The following SEPTIN9 variants were observed in gnomAD, a reference collection of about 807,000 sequenced individuals.
The protein encoded by SEPTIN9 is septin-9.
A neutral mutation model predicts 56.6 loss-of-function variants in SEPTIN9; 13 were observed. The observed-to-expected ratio is 0.23, with a 90% CI of 0.15 to 0.37. The LOEUF is 0.37. SEPTIN9 is among the 10% of genes least tolerant of loss of function. The pLI is 1.00. For synonymous variants in SEPTIN9, 332 were observed against 334.1 expected, an observed-to-expected ratio of 0.99 and a Z score of 0.07; for missense variants, 650 against 823.1, an observed-to-expected ratio of 0.79 and a Z score of 2.57.
intron 2 of SEPTIN9, among the ~76,000 whole-genome samples, chr17:77,398,015 C>T (rs1463015998): frequency 6.9e-6 from 1 of 145,210 alleles, no homozygotes; most frequent in Non-Finnish European, 1.5e-5. Flanking sequence ...ACTCTGTCAT[C>T]CAGGCTGGAG....
intron 3 of SEPTIN9, among the ~76,000 whole-genome samples, chr17:77,410,769 C>T (rs559052875): frequency 6.6e-6 from 1 of 152,300 alleles, no homozygotes; most frequent in African/African-American, 2.4e-5. Context: ...GCAAGCAGGC[C>T]TTGTCTGAAG....
At chr17:77,292,741 G>A (rs1165775525) in intron 1 of SEPTIN9, among the ~76,000 whole-genome samples, 8 of 152,018 alleles carry the variant, frequency 5.3e-5, no homozygotes, top group Admixed American at 6.6e-5. Flanking sequence ...TGATAGGCTC[G>A]CGTCGGCCTC....
chr17:77,347,720 G>C (rs1465730029), intron 2 of SEPTIN9, among the ~76,000 whole-genome samples: 1 of 151,902 alleles, frequency 6.6e-6, no homozygotes, highest in African/African-American at 2.4e-5. Context: ...GTGCGAACGT[G>C]GTATGTATAC....
intron 3 of SEPTIN9, among the ~76,000 whole-genome samples, chr17:77,465,911 G>A (rs776219018): frequency 6.6e-6 from 1 of 152,046 alleles, no homozygotes. Flanking sequence ...ATTTTTCTGA[G>A]AGGATTCTTC....
intron 2 of SEPTIN9, among the ~76,000 whole-genome samples, chr17:77,379,032 G>A (rs2035042837): frequency 6.6e-6 from 1 of 152,150 alleles, no homozygotes; most frequent in Non-Finnish European, 1.5e-5. Context: ...GCATCCCAGG[G>A]AGTGGTGCCT....
chr17:77,438,276 A>T (rs1226901149), intron 3 of SEPTIN9, among the ~76,000 whole-genome samples: 1 of 152,172 alleles, frequency 6.6e-6, no homozygotes, highest in Non-Finnish European at 1.5e-5. Context: ...TTTACAGATA[A>T]TGTGCTCCCC....
intron 2 of SEPTIN9, among the ~76,000 whole-genome samples, chr17:77,358,514 AAGG>A (rs2034323147): frequency 6.6e-6 from 1 of 152,010 alleles, no homozygotes; most frequent in African/African-American, 2.4e-5. Flanking sequence ...CCAGCTACTC[AAGG>A]AGAACCCAGC....
chr17:77,372,176 C>T (rs1401611941), intron 2 of SEPTIN9, among the ~76,000 whole-genome samples: 1 of 152,190 alleles, frequency 6.6e-6, no homozygotes, highest in Non-Finnish European at 1.5e-5. Flanking sequence ...TGGCCCCTGA[C>T]TCTGGGCAGA....
At chr17:77,467,700 C>A (rs1288087961) in intron 3 of SEPTIN9, among the ~76,000 whole-genome samples, 1 of 152,228 alleles carries the variant, frequency 6.6e-6, no homozygotes, top group African/African-American at 2.4e-5. Context: ...CGGCCACACA[C>A]CGAAGCCGCG....
chr17:77,498,583 G>A lies in SEPTIN9; in HGVS notation c.1686G>A (p.Val562=), dbSNP rs1193740047. The change falls in exon 12 of 12, where the codon GTG becomes GTA. Residue 562 remains valine, a synonymous_variant. Transcript: ENST00000427177. ...GCATCCACTTCGAGGCGTACCGTGT[G>A]AAGCGCCTCAACGAGGGCAGCAGCG... ...TSSIHFEAYR[V]KRLNEGSSAM... The A allele has an allele frequency of 6.2e-7, 1 of 1,606,346 alleles. No homozygotes were observed. Among genetic ancestry groups the A allele is most frequent in the Admixed American group, 1.7e-5 (1 of 59,046 alleles).
rs1363581090 is a variant in SEPTIN9 at position 77,433,264 on chromosome 17, C to G, written c.721+30561C>G. On this transcript the variant is annotated intron_variant, in intron 3 of 11. Transcript: ENST00000427177. This position sits in a 1 kb window ranked among gnomAD's most constrained non-coding sequence, Gnocchi z 6.4. ...CCACGTTGCAGGGAAGGAGAGCCTC[C>G]CTTCCTGTGAGCCTAGGGAGCCCCT... 6.6e-6 allele frequency among the ~76,000 whole-genome samples: 1 copy of G among 152,150 alleles called. No homozygotes were observed. Among genetic ancestry groups the G allele is most frequent in the Admixed American group, 6.5e-5 (1 of 15,284 alleles).
At position 77,445,404 on chromosome 17, in the gene SEPTIN9, GA is replaced by G; in HGVS notation, c.722-36736del. The G allele has an allele frequency of 4.3e-6, 2 of 468,656 alleles. No homozygotes were observed. 29.0% of individuals were successfully genotyped at this position (468,656 alleles called of 1,614,324 possible). ...TTGGGGTGTTGCCCAGGATGGATTGGAAAAGAGTTGGCAGGAAGGCTGAGCT... is the reference window on the plus strand; with the variant it reads ...TTGGGGTGTTGCCCAGGATGGATTGGAAAGAGTTGGCAGGAAGGCTGAGCT... On this transcript the variant is annotated intron_variant, in intron 3 of 11. Transcript: ENST00000427177. This position sits in a 1 kb window ranked among gnomAD's most constrained non-coding sequence, Gnocchi z 4.7.
At chr17:77,340,124 T>G (rs991673792) in intron 2 of SEPTIN9, among the ~76,000 whole-genome samples, 4 of 150,222 alleles carry the variant, frequency 2.7e-5, no homozygotes, top group African/African-American at 9.8e-5. Flanking sequence ...CCACCGTGCT[T>G]GGCCCTTTTT....
Position 77,425,112 on chromosome 17 carries a change from G to A in SEPTIN9, c.721+22409G>A, listed in dbSNP as rs933147719. ...GCTCTGCTCCAGTCCCCCCACCCCC[G>A]GGGCTGTTCCTGGCGCCCTGCCCTC... On this transcript the variant is annotated intron_variant, in intron 3 of 11. Transcript: ENST00000427177. The surrounding 1 kb of genome is among the most constrained non-coding windows in gnomAD (Gnocchi z 4.2). Among the ~76,000 whole-genome samples, 1 of 152,160 alleles carries A rather than the reference G, an allele frequency of 6.6e-6. No individual in the cohort carries two copies. The highest frequency in any genetic ancestry group is 2.4e-5 in the African/African-American group (1 of 41,436).
In SEPTIN9 at chr17:77,283,176, TTTA is replaced by T. The variant is rs1288775861; in HGVS notation, c.19+1623_19+1625del. 4.2e-3 allele frequency among the ~76,000 whole-genome samples: 634 copies of T among 149,642 alleles called. 6 individuals carry two copies. The highest frequency in any genetic ancestry group is 0.015 in the African/African-American group (610 of 40,084). On this transcript the variant is annotated intron_variant, in intron 1 of 11. Transcript: ENST00000427177. ...ACTGGGTTTCTTTTTTTTTTTTTTT[TTTA>T]AAAAAAAGGACAGAACCTTTTGCAG...
rs551152115 is a variant in SEPTIN9 at position 77,392,108 on chromosome 17, T to C, written c.77-9951T>C. Among the ~76,000 whole-genome samples the C allele has an allele frequency of 1.8e-4, 28 of 152,320 alleles. No homozygotes were observed. In the East Asian group the frequency reaches 4.8e-3, roughly 26 times the overall value. On this transcript the variant is annotated intron_variant, in intron 2 of 11. Coordinates refer to ENST00000427177, the MANE Select transcript of SEPTIN9 (RefSeq NM_001113491.2). The stretch of plus-strand genomic sequence containing the variant: ...AAGGAGGAGGCTTGTTTATTTCTCT[T>C]GGCCTCAGCCGAAAATCCAACCACA...
rs368307201 is a variant in SEPTIN9 at position 77,345,866 on chromosome 17, G to A, written c.76+38669G>A. 7.2e-4 allele frequency among the ~76,000 whole-genome samples: 110 copies of A among 152,318 alleles called. 3 individuals are homozygous for A. The South Asian group carries it at 0.016, about 22-fold the overall frequency. ...ATCACGGAGCGGGGCCTGGCAGGAT[G>A]TATGCAGAGTTAAGAGGCAATACAT... On this transcript the variant is annotated intron_variant, in intron 2 of 11. Coordinates refer to ENST00000427177, the MANE Select transcript of SEPTIN9 (RefSeq NM_001113491.2).
chr17:77,421,740 T>C lies in SEPTIN9; in HGVS notation c.721+19037T>C, dbSNP rs73375348. 2.9e-3 allele frequency among the ~76,000 whole-genome samples: 445 copies of C among 152,286 alleles called. 1 individual carries two copies. Among genetic ancestry groups the C allele is most frequent in the African/African-American group, 9.9e-3 (410 of 41,554 alleles). On this transcript the variant is annotated intron_variant, in intron 3 of 11. Coordinates refer to ENST00000427177, the MANE Select transcript of SEPTIN9 (RefSeq NM_001113491.2). This position sits in a 1 kb window ranked among gnomAD's most constrained non-coding sequence, Gnocchi z 4.6. The stretch of plus-strand genomic sequence containing the variant: ...TTTCCCCAGGCACTTCCTCTCACCG[T>C]GCCAGGGTGCAGGTTGCTAGTGGAT...
chr17:77,359,123 C>G (rs1042747667), intron 2 of SEPTIN9, among the ~76,000 whole-genome samples: 3 of 152,180 alleles, frequency 2.0e-5, no homozygotes, highest in African/African-American at 7.2e-5. Context: ...GAAAGTTAAA[C>G]ACTTCAGCTC....
Sources: gnomAD v4.1 joint callset for allele counts (sites outside exome capture counted in the v4.1 genomes callset) on GRCh38, gnomAD v4.1.1 for gene constraint, Gnocchi (gnomAD v3.1) non-coding constraint, MANE v1.5 for transcripts, NCBI Gene and HGNC (gene_info 2026-07-23, HGNC 2026-07-21) for gene names.